Variants in RTN3 observed in about 807,000 individuals in gnomAD.
RTN3 encodes reticulon-3.
Under a neutral mutation model 77.8 loss-of-function variants are expected in RTN3, and 49 were observed. The ratio of observed to expected loss-of-function variants is 0.63; its 90% CI spans 0.50 to 0.80. RTN3 has a LOEUF of 0.80. RTN3 is among the 30% of genes least tolerant of loss of function. The probability of loss-of-function intolerance (pLI) is 0.00; values close to 1 mark genes in which losing one functional copy is unlikely to be tolerated. For missense variants in RTN3, 1,236 were observed against 1,211.9 expected (o/e 1.02, Z -0.29); for synonymous variants, 464 against 446.9 (o/e 1.04, Z -0.48).
chr11:63,746,366 A>T lies in RTN3; in HGVS notation c.2531-3625A>T, dbSNP rs549307447. 1.1e-4 allele frequency among the ~76,000 whole-genome samples: 17 copies of T among 152,266 alleles called. No individual in the cohort carries two copies. The East Asian group carries it at 1.9e-3, about 17-fold the overall frequency. ...GTTATCATCCCCTCCCTCTCAGTATAGATAGATGTTTTTTTCCTGAACCAT... is the reference window on the plus strand; with the variant it reads ...GTTATCATCCCCTCCCTCTCAGTATTGATAGATGTTTTTTTCCTGAACCAT... On this transcript the variant is annotated intron_variant, in intron 3 of 8. Coordinates refer to ENST00000377819, the MANE Select transcript of RTN3 (RefSeq NM_001265589.2).
chr11:63,747,982 A>G (rs1280305575), intron 3 of RTN3, among the ~76,000 whole-genome samples: 2 of 151,992 alleles, frequency 1.3e-5, no homozygotes, highest in Non-Finnish European at 2.9e-5. Context: ...TCCTCTAGCT[A>G]TTCATGGTGA....
Position 63,753,680 on chromosome 11 carries a change from G to A in RTN3, c.2966G>A (p.Ser989Asn). The A allele has an allele frequency of 6.2e-7, 1 of 1,613,792 alleles. No individual in the cohort carries two copies. The highest frequency in any genetic ancestry group is 2.2e-5 in the East Asian group (1 of 44,870). Residue 989 changes from serine to asparagine, a missense_variant, in exon 7 of 9, where the codon AGT (serine) becomes AAT (asparagine). Transcript: ENST00000377819. ...CTTACAGCTGAACTGCTCATTTTCA[G>A]TGTCCCGATTGTCTATGAGAAGTAC... ...LLILAELLIF[S>N]VPIVYEKYKT...
chr11:63,697,341 T>C (rs1026852226), intron 1 of RTN3, among the ~76,000 whole-genome samples: 1 of 151,972 alleles, frequency 6.6e-6, no homozygotes, highest in Non-Finnish European at 1.5e-5. Flanking sequence ...AGCCTCACTC[T>C]GTCGCCCAGG....
intron 2 of RTN3, among the ~76,000 whole-genome samples, chr11:63,710,038 T>C (rs1264344616): frequency 6.6e-6 from 1 of 152,242 alleles, no homozygotes; most frequent in Non-Finnish European, 1.5e-5. Flanking sequence ...TCCTTAATTA[T>C]AGATCACATT....
intron 2 of RTN3, chr11:63,714,231 A>C (rs2011262327): frequency 2.8e-6 from 1 of 354,574 alleles, no homozygotes; most frequent in African/African-American, 2.1e-5. Flanking sequence ...AAAATAATTA[A>C]AGTTAAAGCA....
intron 1 of RTN3, among the ~76,000 whole-genome samples, chr11:63,695,396 T>C (rs1177398144): frequency 1.3e-5 from 2 of 152,214 alleles, no homozygotes; most frequent in Admixed American, 6.5e-5. Context: ...CCTGCCAGTT[T>C]ATGTAGATTC....
At chr11:63,725,481 C>G (rs1336033898) in intron 3 of RTN3, among the ~76,000 whole-genome samples, 2 of 151,158 alleles carry the variant, frequency 1.3e-5, no homozygotes, top group African/African-American at 4.9e-5. Context: ...AGGAGTTTCA[C>G]TCTGTCGCCC....
intron 2 of RTN3, among the ~76,000 whole-genome samples, chr11:63,713,018 C>A (rs548815353): frequency 6.6e-6 from 1 of 152,158 alleles, no homozygotes; most frequent in Non-Finnish European, 1.5e-5. Context: ...TCGCTTGAAC[C>A]CAGGAGGCAG....
At position 63,759,868 on chromosome 11, in the gene RTN3, TA is replaced by T. The variant is rs201753132; in HGVS notation, c.*1681del. ...AAATTTCAAATTGATGTGGTATTAA[TA>T]AAAAAAAAAAAAACACAAACAATGA... On this transcript the variant is annotated 3_prime_UTR_variant, in exon 9 of 9. Coordinates refer to ENST00000377819, the MANE Select transcript of RTN3 (RefSeq NM_001265589.2). 21,986 of 139,844 alleles carry T rather than the reference TA, an allele frequency of 0.16. 1,714 individuals carry two copies. Among genetic ancestry groups the T allele is most frequent in the African/African-American group, 0.2 (7,829 of 38,456 alleles). The allele number at this position is 139,844 out of a possible 1,614,324, so 8.7% of individuals were successfully genotyped here.
intron 3 of RTN3, among the ~76,000 whole-genome samples, chr11:63,725,893 T>C (rs990671339): frequency 6.6e-6 from 1 of 152,216 alleles, no homozygotes; most frequent in African/African-American, 2.4e-5. Context: ...TCTTCTGTTA[T>C]GTAAAAATGT....
Position 63,743,873 on chromosome 11 carries a change from G to A in RTN3, c.2531-6118G>A, listed in dbSNP as rs114500181. On this transcript the variant is annotated intron_variant, in intron 3 of 8. Coordinates refer to ENST00000377819, the MANE Select transcript of RTN3 (RefSeq NM_001265589.2). ...AGAGGTTGCAGTGAGCCGAGATCTC[G>A]CCATTGCACTTCAGCGTGGGCAACA... 6.2e-3 allele frequency among the ~76,000 whole-genome samples: 934 copies of A among 151,640 alleles called. 8 individuals carry two copies. Among genetic ancestry groups the A allele is most frequent in the African/African-American group, 0.021 (867 of 41,294 alleles).
intron 3 of RTN3, among the ~76,000 whole-genome samples, chr11:63,724,992 A>T (rs2012138330): frequency 6.6e-6 from 1 of 151,786 alleles, no homozygotes; most frequent in South Asian, 2.1e-4. Flanking sequence ...AAATGGAAAA[A>T]TATAGAAAAG....
chr11:63,715,920 C>T (rs935132844), intron 2 of RTN3, among the ~76,000 whole-genome samples: 1 of 152,190 alleles, frequency 6.6e-6, no homozygotes, highest in African/African-American at 2.4e-5. Context: ...TTTTAACCTA[C>T]AATACTGGGC....
Position 63,681,729 on chromosome 11 carries a change from A to C in RTN3, c.93A>C (p.Pro31=). The C allele has an allele frequency of 6.2e-7, 1 of 1,609,116 alleles. No homozygotes were observed. Among genetic ancestry groups the C allele is most frequent in the Non-Finnish European group, 8.5e-7 (1 of 1,178,436 alleles). ...EPSAPGGGGS[P]GACPALGTKS... ...CCGCGCCCGGCGGCGGCGGGAGCCCAGGAGCCTGCCCCGCCCTGGGGACGA... is the reference window on the plus strand; with the variant it reads ...CCGCGCCCGGCGGCGGCGGGAGCCCCGGAGCCTGCCCCGCCCTGGGGACGA... Residue 31 remains proline, a synonymous_variant, in exon 1 of 9, where the codon CCA becomes CCC. Coordinates refer to ENST00000377819, the MANE Select transcript of RTN3 (RefSeq NM_001265589.2).
chr11:63,741,208 T>A (rs1020769907), intron 3 of RTN3, among the ~76,000 whole-genome samples: 7 of 150,280 alleles, frequency 4.7e-5, no homozygotes, highest in African/African-American at 1.7e-4. Flanking sequence ...TTTATTTATT[T>A]ATTTATTTTT....
chr11:63,708,045 C>G (rs1236356004), intron 2 of RTN3, among the ~76,000 whole-genome samples: 3 of 152,038 alleles, frequency 2.0e-5, no homozygotes, highest in Non-Finnish European at 4.4e-5. Flanking sequence ...CTAGGGTAGC[C>G]AAGACTGGTA....
intron 5 of RTN3, 24 bp downstream of exon 5, chr11:63,752,669 G>A: frequency 6.2e-7 from 1 of 1,609,580 alleles, no homozygotes; most frequent in East Asian, 2.2e-5. Context: ...GCAGCTCTTG[G>A]TGGTAAAACA....
At chr11:63,722,638 A>G (rs2011904842) in intron 3 of RTN3, among the ~76,000 whole-genome samples, 1 of 152,212 alleles carries the variant, frequency 6.6e-6, no homozygotes, top group African/African-American at 2.4e-5. Flanking sequence ...ATTTTGAATT[A>G]CCAATTAAGG....
At chr11:63,728,230 G>A (rs2012419287) in intron 3 of RTN3, among the ~76,000 whole-genome samples, 1 of 152,162 alleles carries the variant, frequency 6.6e-6, no homozygotes, top group South Asian at 2.1e-4. Flanking sequence ...TCCCAACCAA[G>A]GAAGCTCTTT....
Sources: allele counts gnomAD v4.1 joint callset (sites outside exome capture counted in the v4.1 genomes callset), GRCh38; gene constraint gnomAD v4.1.1; transcripts MANE v1.5; gene names NCBI Gene and HGNC (gene_info 2026-07-23, HGNC 2026-07-21).